The following LARP1 variants were observed in gnomAD, a reference collection of about 807,000 sequenced individuals.
LARP1 encodes the protein La ribonucleoprotein 1, translational regulator.
Under a neutral mutation model 122.7 loss-of-function variants are expected in LARP1, and 36 were observed. The observed-to-expected ratio is 0.29, with a 90% CI of 0.22 to 0.39. The LOEUF (loss-of-function observed/expected upper bound fraction) is 0.39. LARP1 is among the 10% of genes least tolerant of loss of function. The pLI, the probability that LARP1 is intolerant of heterozygous loss-of-function variation, is 1.00. For synonymous variants in LARP1, 539 were observed against 528.7 expected, an observed-to-expected ratio of 1.02 and a Z score of -0.27; for missense variants, 1,040 against 1,403.6, an observed-to-expected ratio of 0.74 and a Z score of 4.14.
chr5:154,795,992 A>G (rs1321944380), intron 8 of LARP1, among the ~76,000 whole-genome samples: 1 of 101,322 alleles, frequency 9.9e-6, no homozygotes, highest in Non-Finnish European at 1.9e-5. Context: ...TATATTATAT[A>G]TTTTTATATA....
At chr5:154,696,717 C>T (rs1449759437) in intron 1 of LARP1, among the ~76,000 whole-genome samples, 9 of 152,170 alleles carry the variant, frequency 5.9e-5, no homozygotes, top group Non-Finnish European at 1.3e-4. Flanking sequence ...TGGCTTGTAC[C>T]TTTCTTGTAT....
chr5:154,723,539 G>A (rs1347046768), intron 1 of LARP1, among the ~76,000 whole-genome samples: 1 of 152,198 alleles, frequency 6.6e-6, no homozygotes, highest in Non-Finnish European at 1.5e-5. Flanking sequence ...GGGAGAGTTT[G>A]AAGATACAGG....
intron 16 of LARP1, among the ~76,000 whole-genome samples, chr5:154,809,859 C>T (rs1759113732): frequency 2.0e-5 from 3 of 151,988 alleles, no homozygotes; most frequent in South Asian, 4.2e-4. Context: ...GCGCCTGCCA[C>T]CACGCCTGGC....
At chr5:154,699,492 CAA>C (rs34380813) in intron 1 of LARP1, among the ~76,000 whole-genome samples, 94,647 of 147,018 alleles carry the variant, frequency 0.64, 30,109 homozygotes, top group Non-Finnish European at 0.7. Flanking sequence ...CCTCTTTCTA[CAA>C]AAAAAAAAAA....
intron 1 of LARP1, among the ~76,000 whole-genome samples, chr5:154,725,597 T>C (rs1370542277): frequency 1.3e-5 from 2 of 152,008 alleles, no homozygotes; most frequent in Non-Finnish European, 2.9e-5. Flanking sequence ...TGTGTGCATT[T>C]GTGTATTTGA....
chr5:154,702,817 G>T (rs1346551657), intron 1 of LARP1, among the ~76,000 whole-genome samples: 2 of 152,056 alleles, frequency 1.3e-5, no homozygotes, highest in Non-Finnish European at 2.9e-5. Flanking sequence ...CCAACCAGAG[G>T]CAAAGAGAGG....
At chr5:154,728,602 AGTGAGGCATGGATCT>A (rs1415299610) in intron 1 of LARP1, among the ~76,000 whole-genome samples, 1 of 152,196 alleles carries the variant, frequency 6.6e-6, no homozygotes, top group African/African-American at 2.4e-5. Flanking sequence ...ACAGTATATG[AGTGAGGCATGGATCT>A]GTTTGGGTCC....
intron 1 of LARP1, among the ~76,000 whole-genome samples, chr5:154,713,465 T>C (rs1214653435): frequency 6.6e-6 from 1 of 152,252 alleles, no homozygotes; most frequent in Non-Finnish European, 1.5e-5. Context: ...TCAGTGTTTT[T>C]TGGTTAGCAG....
rs1293412586 is a variant in LARP1 at position 154,803,331 on chromosome 5, G to A, written c.2151G>A (p.Arg717=). The change falls in exon 12 of 19, where the codon CGG becomes CGA. Residue 717 remains arginine, a synonymous_variant. Coordinates refer to ENST00000518297, the MANE Select transcript of LARP1 (RefSeq NM_033551.3). The surrounding 1 kb of genome is among the most constrained non-coding windows in gnomAD (Gnocchi z 4.4). ...ENFKKVNMIS[R]EQFDTLTPEP... ...TCAAAAAGGTCAATATGATCAGCCGGGAGCAGTTTGACACACTGACCCCTG... is the reference window on the plus strand; with the variant it reads ...TCAAAAAGGTCAATATGATCAGCCGAGAGCAGTTTGACACACTGACCCCTG... The A allele has an allele frequency of 1.2e-6, 2 of 1,614,004 alleles. No individual in the cohort carries two copies. The highest frequency in any genetic ancestry group is 1.3e-5 in the African/African-American group (1 of 74,894).
intron 1 of LARP1, among the ~76,000 whole-genome samples, chr5:154,777,999 C>T (rs1355953976): frequency 6.6e-5 from 10 of 152,102 alleles, no homozygotes; most frequent in African/African-American, 2.2e-4. Context: ...CGGTGACTCA[C>T]GCCTGTAATC....
Position 154,793,716 on chromosome 5 carries a change from G to C in LARP1, c.861G>C (p.Glu287Asp). ...GACACATACCTGCCAATCGCGGAGA[G>C]ATCAAAGGTATGCACTACCCACTAT... ...EPRHIPANRG[E>D]IKGSESATYV... Residue 287 changes from glutamate (E) to aspartate (D), a missense_variant, in exon 5 of 19, where the codon GAG becomes GAC. Glu to Asp is a conservative substitution (Grantham distance 45, BLOSUM62 2). Transcript: ENST00000518297. The C allele has an allele frequency of 2.5e-6, 4 of 1,614,176 alleles. No individual in the cohort carries two copies. Among genetic ancestry groups the C allele is most frequent in the Non-Finnish European group, 2.5e-6 (3 of 1,180,020 alleles).
intron 1 of LARP1, among the ~76,000 whole-genome samples, chr5:154,733,362 T>G (rs1326792501): frequency 6.6e-6 from 1 of 152,068 alleles, no homozygotes; most frequent in Non-Finnish European, 1.5e-5. Flanking sequence ...ACATTTCTAT[T>G]TTTTATTTTT....
At position 154,806,444 on chromosome 5, in the gene LARP1, G is replaced by T. The variant is rs566813897; in HGVS notation, c.2698+412G>T. On this transcript the variant is annotated intron_variant, in intron 15 of 18. Transcript: ENST00000518297. ...CAAATCCAGCCAGTATTCTGTTTTC[G>T]TATGGCTTTGGAGCTAAGGACAGTT... Among the ~76,000 whole-genome samples the T allele has an allele frequency of 7.2e-5, 11 of 152,280 alleles. No individual in the cohort carries two copies. The East Asian group carries it at 1.7e-3, about 24-fold the overall frequency.
chr5:154,697,295 C>G (rs1754513019), intron 1 of LARP1, among the ~76,000 whole-genome samples: 1 of 149,366 alleles, frequency 6.7e-6, no homozygotes, highest in African/African-American at 2.5e-5. Flanking sequence ...CTTGACTTTT[C>G]CCTTTGGCTT....
intron 1 of LARP1, among the ~76,000 whole-genome samples, chr5:154,765,660 C>T (rs763951767): frequency 2.6e-5 from 4 of 152,170 alleles, no homozygotes; most frequent in Non-Finnish European, 4.4e-5. Flanking sequence ...TCCCAAAGTG[C>T]CAGGATTACA....
At chr5:154,808,327 G>A (rs1287722819) in intron 15 of LARP1, 132 bp from the exon 16 acceptor site, 3 of 1,051,714 alleles carry the variant, frequency 2.9e-6, no homozygotes, top group East Asian at 2.6e-5. Context: ...GAATGACTGA[G>A]TGGCAGATGA....
chr5:154,728,009 A>C (rs1237543230), intron 1 of LARP1, among the ~76,000 whole-genome samples: 1 of 152,204 alleles, frequency 6.6e-6, no homozygotes, highest in African/African-American at 2.4e-5. Flanking sequence ...TGGAGGTTGC[A>C]GTGAGCTGAG....
At chr5:154,692,103 T>G (rs1426565364) in intron 1 of LARP1, among the ~76,000 whole-genome samples, 1 of 152,226 alleles carries the variant, frequency 6.6e-6, no homozygotes, top group African/African-American at 2.4e-5. Context: ...TGCTGGTCCC[T>G]TTCGAAGGAA....
At chr5:154,771,372 G>C (rs531705243) in intron 1 of LARP1, among the ~76,000 whole-genome samples, 1 of 152,298 alleles carries the variant, frequency 6.6e-6, no homozygotes, top group African/African-American at 2.4e-5. Context: ...CAGTAACCCT[G>C]TGGGATCTAG....
Sources: allele counts gnomAD v4.1 joint callset (sites outside exome capture counted in the v4.1 genomes callset), GRCh38; gene constraint gnomAD v4.1.1; non-coding constraint Gnocchi (gnomAD v3.1); transcripts MANE v1.5; gene names NCBI Gene and HGNC (gene_info 2026-07-23, HGNC 2026-07-21).